The following KDM4C variants were observed in gnomAD, a reference collection of about 807,000 sequenced individuals.
KDM4C encodes the protein lysine demethylase 4C.
KDM4C carries 81 observed loss-of-function variants against 129.3 expected under a neutral mutation model. The observed-to-expected ratio is 0.63, with a 90% CI of 0.52 to 0.75. KDM4C has a LOEUF of 0.75. Ranked by LOEUF, KDM4C falls within the 30% of genes least tolerant of loss-of-function variation. KDM4C has a pLI of 0.00. For missense variants in KDM4C, 1,457 were observed against 1,304.0 expected (o/e 1.12, Z -1.81); for synonymous variants, 573 against 456.1 (o/e 1.26, Z -3.26).
At chr9:6,753,551 G>A (rs532433384), upstream of KDM4C, among the ~76,000 whole-genome samples, 5 of 152,270 alleles carry the variant, frequency 3.3e-5, no homozygotes, top group South Asian at 1.0e-3. Flanking sequence ...TGGGATTACA[G>A]GCATGAGTCA....
intron 8 of KDM4C, among the ~76,000 whole-genome samples, chr9:6,917,825 T>C (rs547699104): frequency 1.5e-4 from 23 of 152,308 alleles, no homozygotes; most frequent in African/African-American, 4.3e-4. Context: ...TTTTACCTGA[T>C]TGAATTGTTT....
intron 4 of KDM4C, among the ~76,000 whole-genome samples, chr9:6,826,203 C>G (rs562375659): frequency 5.3e-5 from 8 of 150,432 alleles, no homozygotes; most frequent in East Asian, 1.9e-4. Flanking sequence ...TATGCTCGTA[C>G]TAGGTGGATG....
At chr9:6,757,731 C>G (rs754524308), upstream of KDM4C, 53 of 985,640 alleles carry the variant, frequency 5.4e-5, 1 homozygote, top group African/African-American at 7.5e-4. Flanking sequence ...CGCTTCCGGG[C>G]AAGGTTCTGT....
At chr9:7,143,235 G>GTC (rs1259556560) in intron 19 of KDM4C, among the ~76,000 whole-genome samples, 4 of 152,208 alleles carry the variant, frequency 2.6e-5, no homozygotes, top group African/African-American at 7.2e-5. Flanking sequence ...ATCAGTGGGT[G>GTC]TCTGTTTCAA....
chr9:7,062,681 GC>G (rs199800620), intron 17 of KDM4C, among the ~76,000 whole-genome samples: 1 of 151,852 alleles, frequency 6.6e-6, no homozygotes, highest in Non-Finnish European at 1.5e-5. Flanking sequence ...ACCGTGCCCA[GC>G]CCCCTTTTTT....
intron 8 of KDM4C, among the ~76,000 whole-genome samples, chr9:6,961,363 GC>G (rs1563891270): frequency 2.0e-5 from 3 of 152,076 alleles, no homozygotes. Flanking sequence ...CAGATGGCTT[GC>G]ATGCATATAT....
chr9:7,067,259 A>G (rs1832551200), intron 17 of KDM4C, among the ~76,000 whole-genome samples: 1 of 152,206 alleles, frequency 6.6e-6, no homozygotes, highest in Admixed American at 6.5e-5. Context: ...TTTTAGCCTC[A>G]GGCTGATATG....
At chr9:6,743,556 G>A (rs1380057748) in intron 1 of KDM4C, among the ~76,000 whole-genome samples, 1 of 150,582 alleles carries the variant, frequency 6.6e-6, no homozygotes, top group Non-Finnish European at 1.5e-5. Flanking sequence ...CACCCAGGCT[G>A]GAGTGCAGTG....
intron 19 of KDM4C, among the ~76,000 whole-genome samples, chr9:7,129,749 G>A (rs1178010729): frequency 6.6e-6 from 1 of 152,026 alleles, no homozygotes; most frequent in Non-Finnish European, 1.5e-5. Context: ...TGTTGGGGCT[G>A]GAAGAATAAG....
In KDM4C at chr9:6,729,746, A is replaced by G. The variant is rs150234789; in HGVS notation, c.49+8749A>G. 1.1e-3 allele frequency among the ~76,000 whole-genome samples: 146 copies of G among 134,564 alleles called. 41 individuals carry two copies. Among genetic ancestry groups the G allele is most frequent in the African/African-American group, 4.4e-3 (140 of 31,766 alleles). The allele number at this position is 134,564 out of a possible 152,430, so 88.3% of individuals were successfully genotyped here. A position where few individuals can be genotyped will look rare whatever the true frequency, so the allele number is the denominator to read the frequency against. ...TGACCCATAAAAGCTAATGATTTCC[A>G]GCCAGATGTGCATATTTCTGAGTGG... is the stretch of plus-strand genomic sequence containing the variant. On this transcript the variant is annotated intron_variant, in intron 1 of 17. Coordinates refer to the KDM4C transcript ENST00000536108.
intron 5 of KDM4C, among the ~76,000 whole-genome samples, chr9:6,862,510 G>A (rs903858824): frequency 6.6e-6 from 1 of 152,008 alleles, no homozygotes. Context: ...TCCCTTAAAG[G>A]CTAAACTTCA....
intron 8 of KDM4C, among the ~76,000 whole-genome samples, chr9:6,912,472 A>G (rs767720250): frequency 1.3e-5 from 2 of 152,194 alleles, no homozygotes; most frequent in Non-Finnish European, 2.9e-5. Flanking sequence ...CCTGGCATTC[A>G]TTGTAGAATG....
chr9:6,755,562 T>TA (rs1818219413), upstream of KDM4C, among the ~76,000 whole-genome samples: 1 of 151,998 alleles, frequency 6.6e-6, no homozygotes, highest in African/African-American at 2.4e-5. Context: ...AACAAACAAA[T>TA]AAATAAAATA....
intron 19 of KDM4C, among the ~76,000 whole-genome samples, chr9:7,162,884 G>A (rs1228856327): frequency 6.6e-6 from 1 of 152,052 alleles, no homozygotes; most frequent in Non-Finnish European, 1.5e-5. Context: ...AGCATGTCTC[G>A]CCCTGCCTGA....
intron 15 of KDM4C, among the ~76,000 whole-genome samples, chr9:7,026,221 A>AC (rs1247036609): frequency 6.6e-5 from 10 of 151,658 alleles, no homozygotes. Context: ...AAAAAAAAAA[A>AC]GAAACAGAAA....
intron 8 of KDM4C, among the ~76,000 whole-genome samples, chr9:6,904,728 A>T (rs895868963): frequency 2.6e-5 from 4 of 152,186 alleles, no homozygotes; most frequent in African/African-American, 9.7e-5. Context: ...TATTTGAAGG[A>T]ATGTATTTTT....
chr9:6,765,045 G>A (rs1029418080), intron 1 of KDM4C, among the ~76,000 whole-genome samples: 1 of 152,090 alleles, frequency 6.6e-6, no homozygotes, highest in East Asian at 1.9e-4. Context: ...CAATCCGCTT[G>A]TCTCCACCTC....
At chr9:7,112,585 T>C (rs1784948465) in intron 18 of KDM4C, among the ~76,000 whole-genome samples, 1 of 152,048 alleles carries the variant, frequency 6.6e-6, no homozygotes, top group Non-Finnish European at 1.5e-5. Flanking sequence ...TGAGGAAGAA[T>C]TTTGCCTACT....
intron 15 of KDM4C, among the ~76,000 whole-genome samples, chr9:7,024,194 A>G (rs1093703): frequency 0.34 from 51,127 of 151,092 alleles, 10,371 homozygotes; most frequent in Middle Eastern, 0.53. Context: ...TTACTTTTCT[A>G]TCTGGAGGAT....
Sources: gnomAD v4.1 joint callset for allele counts (sites outside exome capture counted in the v4.1 genomes callset) on GRCh38, gnomAD v4.1.1 for gene constraint, MANE v1.5 for transcripts, NCBI Gene and HGNC (gene_info 2026-07-23, HGNC 2026-07-21) for gene names.